Variants in TAFA1 observed in about 807,000 individuals in gnomAD.
The protein encoded by TAFA1 is chemokine-like protein TAFA-1.
TAFA1 carries 4 observed loss-of-function variants against 18.5 expected under a neutral mutation model. That is an observed-to-expected ratio of 0.22 (90% CI 0.11 to 0.49). TAFA1 has a LOEUF of 0.49. Among genes scored for constraint, TAFA1 ranks in the 20% least tolerant of loss-of-function variants. TAFA1 has a pLI of 0.98. For synonymous variants in TAFA1, 56 were observed against 55.2 expected (o/e 1.01, Z -0.06); for missense variants, 147 against 169.0 (o/e 0.87, Z 0.72).
intron 2 of TAFA1, among the ~76,000 whole-genome samples, chr3:68,336,324 T>G (rs1364141281): frequency 6.6e-6 from 1 of 152,180 alleles, no homozygotes; most frequent in African/African-American, 2.4e-5. Context: ...GTGACTTTGA[T>G]CTCTAATTTT....
At chr3:68,244,733 A>C (rs913088683) in intron 2 of TAFA1, among the ~76,000 whole-genome samples, 1 of 152,184 alleles carries the variant, frequency 6.6e-6, no homozygotes, top group Non-Finnish European at 1.5e-5. Context: ...CTGCATAAAA[A>C]TAATTAGAAG....
At chr3:68,375,195 T>A (rs918314767) in intron 2 of TAFA1, among the ~76,000 whole-genome samples, 2 of 152,164 alleles carry the variant, frequency 1.3e-5, no homozygotes, top group African/African-American at 4.8e-5. Context: ...TGCTTTTGGA[T>A]CAGTGCTTGT....
intron 2 of TAFA1, among the ~76,000 whole-genome samples, chr3:68,411,794 T>C (rs1477561479): frequency 6.6e-6 from 1 of 152,118 alleles, no homozygotes; most frequent in Non-Finnish European, 1.5e-5. Flanking sequence ...GATCTAAAAA[T>C]TTTACTTTTT....
At chr3:68,196,943 T>A (rs2066417777) in intron 2 of TAFA1, among the ~76,000 whole-genome samples, 1 of 151,748 alleles carries the variant, frequency 6.6e-6, no homozygotes, top group South Asian at 2.1e-4. Context: ...GCCAACTGCA[T>A]GGAATGGATT....
intron 2 of TAFA1, among the ~76,000 whole-genome samples, chr3:68,225,098 G>A (rs575798147): frequency 1.9e-4 from 29 of 151,512 alleles, no homozygotes; most frequent in South Asian, 4.2e-4. Context: ...TAGTAGAGAC[G>A]GGGATTTCAC....
intron 2 of TAFA1, among the ~76,000 whole-genome samples, chr3:68,073,694 T>G (rs1466098614): frequency 6.6e-6 from 1 of 152,170 alleles, no homozygotes; most frequent in Non-Finnish European, 1.5e-5. Context: ...TGTATATTAG[T>G]TATACTGGTG....
Position 68,544,479 on chromosome 3 carries a change from G to A in TAFA1, c.385-7G>A. ...TCCCTGAAATGTCTGTCTTTCTTTG[G>A]TTTCAGATTCACCCAAGAACCTAAC... On this transcript the variant is annotated splice_region_variant and splice_polypyrimidine_tract_variant and intron_variant, in intron 4 of 4. Transcript: ENST00000478136. The A allele has an allele frequency of 5.6e-6, 9 of 1,612,016 alleles. No individual in the cohort carries two copies. The highest frequency in any genetic ancestry group is 7.6e-6 in the Non-Finnish European group (9 of 1,178,780).
rs566745306 is a variant in TAFA1, at chr3:68,026,577, AC to A, written c.118+19836del. 1.1e-4 allele frequency among the ~76,000 whole-genome samples: 16 copies of A among 152,200 alleles called. No homozygotes were observed. The East Asian group carries it at 3.1e-3, about 29-fold the overall frequency. On this transcript the variant is annotated intron_variant, in intron 2 of 4. Coordinates refer to ENST00000478136, the MANE Select transcript of TAFA1 (RefSeq NM_213609.4). ...TATATACATCTGTATATATTATTTA[AC>A]CCTGACAATGACCTGAGGAGGTAGG... is the stretch of plus-strand genomic sequence containing the variant.
intron 2 of TAFA1, among the ~76,000 whole-genome samples, chr3:68,349,100 A>G (rs62245790): frequency 0.1 from 15,082 of 151,440 alleles, 863 homozygotes; most frequent in East Asian, 0.26. Context: ...ATCATTCCCT[A>G]TGGATTCAGA....
intron 3 of TAFA1, among the ~76,000 whole-genome samples, chr3:68,471,697 A>G (rs1308079966): frequency 4.6e-5 from 7 of 152,170 alleles, no homozygotes; most frequent in South Asian, 2.1e-4. Flanking sequence ...TTGAGGGTGG[A>G]TCTGTGTCTC....
chr3:68,396,900 C>T (rs1256612837), intron 2 of TAFA1, among the ~76,000 whole-genome samples: 1 of 152,138 alleles, frequency 6.6e-6, no homozygotes, highest in Non-Finnish European at 1.5e-5. Flanking sequence ...ATTTTAAGGT[C>T]CACTATGAAT....
Position 68,082,170 on chromosome 3 carries a change from G to A in TAFA1, c.118+75426G>A, listed in dbSNP as rs140820715. Among the ~76,000 whole-genome samples, 257 of 143,546 alleles carry A rather than the reference G, an allele frequency of 1.8e-3. 3 individuals carry two copies. The highest frequency in any genetic ancestry group is 7.4e-3 in the African/African-American group (248 of 33,308). 94.2% of individuals were successfully genotyped at this position (143,546 alleles called of 152,430 possible). The stretch of plus-strand genomic sequence containing the variant: ...TGAGGCAGTGCCTCACCCTGCTTCG[G>A]CTCGCGCATGGTGTGCGCACCCACT... On this transcript the variant is annotated intron_variant, in intron 2 of 4. Coordinates refer to ENST00000478136, the MANE Select transcript of TAFA1 (RefSeq NM_213609.4).
chr3:68,221,773 A>T (rs750281000), intron 2 of TAFA1, among the ~76,000 whole-genome samples: 3 of 152,236 alleles, frequency 2.0e-5, no homozygotes, highest in Non-Finnish European at 4.4e-5. Context: ...ATTCTCAATG[A>T]ATATGATCTA....
At chr3:68,224,225 A>G (rs573357596) in intron 2 of TAFA1, among the ~76,000 whole-genome samples, 13 of 152,174 alleles carry the variant, frequency 8.5e-5, no homozygotes, top group African/African-American at 3.1e-4. Flanking sequence ...TCCTTATAAG[A>G]TAGAATAAGA....
At chr3:68,537,656 C>G (rs1344824458) in intron 3 of TAFA1, among the ~76,000 whole-genome samples, 2 of 152,146 alleles carry the variant, frequency 1.3e-5, no homozygotes, top group Non-Finnish European at 2.9e-5. Flanking sequence ...CAAATCTCCC[C>G]CATGAAAGAA....
chr3:68,522,940 G>A (rs140783276), intron 3 of TAFA1, among the ~76,000 whole-genome samples: 9 of 152,258 alleles, frequency 5.9e-5, no homozygotes, highest in African/African-American at 1.9e-4. Context: ...GCGAGGTATG[G>A]TGGTGTGCAC....
At chr3:68,189,835 C>T (rs4446218) in intron 2 of TAFA1, among the ~76,000 whole-genome samples, 100,562 of 151,790 alleles carry the variant, frequency 0.66, 34,047 homozygotes, top group South Asian at 0.78. Flanking sequence ...AAGAAGCTGC[C>T]GTTAATATTG....
At chr3:68,177,039 C>A (rs953478335) in intron 2 of TAFA1, among the ~76,000 whole-genome samples, 6 of 151,856 alleles carry the variant, frequency 4.0e-5, no homozygotes, top group Non-Finnish European at 7.4e-5. Flanking sequence ...TCTTCATAGA[C>A]CTTACTGAAA....
intron 3 of TAFA1, among the ~76,000 whole-genome samples, chr3:68,525,335 C>T (rs2073093562): frequency 6.6e-6 from 1 of 152,162 alleles, no homozygotes; most frequent in Non-Finnish European, 1.5e-5. Flanking sequence ...ATCCTTATAT[C>T]ATCCTTCATT....
Sources: gnomAD v4.1 joint callset for allele counts (sites outside exome capture counted in the v4.1 genomes callset) on GRCh38, gnomAD v4.1.1 for gene constraint, MANE v1.5 for transcripts, NCBI Gene and HGNC (gene_info 2026-07-23, HGNC 2026-07-21) for gene names.